Variants in ASTN2 observed in about 807,000 individuals in gnomAD.
The protein encoded by ASTN2 is astrotactin 2.
In ASTN2, 54 loss-of-function variants were observed where a neutral mutation model predicts 139.8. The ratio of observed to expected loss-of-function variants is 0.39; its 90% CI spans 0.31 to 0.48. ASTN2 has a LOEUF of 0.48. Ranked by LOEUF, ASTN2 falls within the 20% of genes least tolerant of loss-of-function variation. The pLI, the probability that ASTN2 is intolerant of heterozygous loss-of-function variation, is 0.95. For synonymous variants in ASTN2, 756 were observed against 719.5 expected, an observed-to-expected ratio of 1.05 and a Z score of -0.81; for missense variants, 1,565 against 1,725.1, an observed-to-expected ratio of 0.91 and a Z score of 1.64.
At chr9:116,839,186 C>T (rs1169952646) in intron 11 of ASTN2, among the ~76,000 whole-genome samples, 2 of 152,124 alleles carry the variant, frequency 1.3e-5, no homozygotes, top group Non-Finnish European at 2.9e-5. Context: ...CTCTGTCACC[C>T]AGGCTGGAGT....
chr9:117,146,340 T>C (rs1243639966), intron 3 of ASTN2, among the ~76,000 whole-genome samples: 1 of 151,876 alleles, frequency 6.6e-6, no homozygotes, highest in East Asian at 1.9e-4. Context: ...GAACACTGCC[T>C]CTTTCTAATT....
intron 11 of ASTN2, among the ~76,000 whole-genome samples, chr9:116,826,236 C>G (rs1307051060): frequency 3.9e-5 from 6 of 152,222 alleles, no homozygotes; most frequent in African/African-American, 1.4e-4. Context: ...ACAATACCCA[C>G]TGCCCTGCAA....
intron 5 of ASTN2, among the ~76,000 whole-genome samples, chr9:117,051,368 A>C (rs932946583): frequency 2.0e-5 from 3 of 152,332 alleles, no homozygotes; most frequent in Admixed American, 2.0e-4. Context: ...AAATCAAAAA[A>C]ATTGACTCTA....
At chr9:117,224,141 G>C (rs955929975) in intron 2 of ASTN2, among the ~76,000 whole-genome samples, 2 of 152,196 alleles carry the variant, frequency 1.3e-5, no homozygotes, top group African/African-American at 2.4e-5. Context: ...GCGTTTTCCC[G>C]TAAGTTAGAC....
At chr9:117,358,298 ACACATC>A (rs1564164092) in intron 1 of ASTN2, among the ~76,000 whole-genome samples, 39 of 135,724 alleles carry the variant, frequency 2.9e-4, no homozygotes, top group African/African-American at 8.6e-4. Context: ...ACACACACAT[ACACATC>A]CACATCCACA....
At chr9:116,836,431 G>A (rs10125438) in intron 11 of ASTN2, among the ~76,000 whole-genome samples, 28,515 of 152,042 alleles carry the variant, frequency 0.19, 3,063 homozygotes, top group East Asian at 0.5. Context: ...CCATTCAACC[G>A]TTGCTCCCAT....
intron 3 of ASTN2, among the ~76,000 whole-genome samples, chr9:117,178,816 C>A (rs1830982648): frequency 6.6e-6 from 1 of 152,140 alleles, no homozygotes; most frequent in Non-Finnish European, 1.5e-5. Context: ...TAGAGCGGCA[C>A]CAGCCCTAAT....
chr9:117,214,231 A>C, intron 3 of ASTN2, 127 bp downstream of exon 3: 1 of 1,156,776 alleles, frequency 8.6e-7, no homozygotes, highest in South Asian at 1.8e-5. Flanking sequence ...AGAAATCTAA[A>C]GCCATAAATC....
At chr9:116,913,319 A>G (rs1049014950) in intron 10 of ASTN2, among the ~76,000 whole-genome samples, 12 of 152,186 alleles carry the variant, frequency 7.9e-5, no homozygotes, top group African/African-American at 2.9e-4. Flanking sequence ...TTCTGCTTAT[A>G]TCCATGGAGG....
chr9:116,738,436 G>T (rs1588253422), intron 13 of ASTN2, among the ~76,000 whole-genome samples: 1 of 151,988 alleles, frequency 6.6e-6, no homozygotes, highest in South Asian at 2.1e-4. Context: ...GGGAGGCGGA[G>T]GTTGCAGTGA....
At chr9:117,245,004 C>A (rs1360501138) in intron 2 of ASTN2, among the ~76,000 whole-genome samples, 1 of 151,982 alleles carries the variant, frequency 6.6e-6, no homozygotes, top group Non-Finnish European at 1.5e-5. Flanking sequence ...AGCTCACAGT[C>A]CCGTAGAGAA....
rs1226419759 is a variant in ASTN2 at position 116,699,288 on chromosome 9, C to T, written c.2806+26483G>A. On this transcript the variant is annotated intron_variant, in intron 16 of 22. Transcript: ENST00000313400. The surrounding 1 kb of genome is among the most constrained non-coding windows in gnomAD (Gnocchi z 4.2). ...CAGCTGCCTATGTAGTGCTGTGCGG[C>T]CCAAATTTGTCACCTGTGATGCTGA... is the stretch of plus-strand genomic sequence containing the variant. The T allele has an allele frequency of 1.9e-6, 3 of 1,614,056 alleles. No individual in the cohort carries two copies. The highest frequency in any genetic ancestry group is 1.3e-5 in the African/African-American group (1 of 74,922).
At chr9:116,751,425 T>C (rs1829399368) in intron 13 of ASTN2, among the ~76,000 whole-genome samples, 1 of 152,222 alleles carries the variant, frequency 6.6e-6, no homozygotes, top group Non-Finnish European at 1.5e-5. Context: ...TCTCCTGATA[T>C]GTAATGGGGA....
chr9:116,976,136 G>T lies in ASTN2; in HGVS notation c.1729C>A (p.Gln577Lys). 1 of 1,614,174 alleles carries T rather than the reference G, an allele frequency of 6.2e-7. No individual in the cohort carries two copies. The highest frequency in any genetic ancestry group is 8.5e-7 in the Non-Finnish European group (1 of 1,180,008). Residue 577 changes from glutamine to lysine, a missense_variant, in exon 9 of 23, where the codon CAA becomes AAA. Gln to Lys is a moderately conservative substitution (Grantham distance 53, BLOSUM62 1). Coordinates refer to ENST00000313400, the MANE Select transcript of ASTN2 (RefSeq NM_001365068.1). The part of the protein sequence containing the change: ...ERGYDLVTGE[Q>K]APEKILRSTF... The stretch of plus-strand genomic sequence containing the variant: ...CACCTGAGAATCTTTTCAGGGGCTT[G>T]CTCCCCTGTCACCAGATCATAGCCC...
At chr9:117,156,222 T>A (rs576151379) in intron 3 of ASTN2, among the ~76,000 whole-genome samples, 1 of 152,018 alleles carries the variant, frequency 6.6e-6, no homozygotes, top group African/African-American at 2.4e-5. Context: ...AGAACTAGTA[T>A]CTTTTGAGTG....
At chr9:116,701,475 T>G (rs996302652) in intron 16 of ASTN2, among the ~76,000 whole-genome samples, 1 of 152,252 alleles carries the variant, frequency 6.6e-6, no homozygotes, top group African/African-American at 2.4e-5. Context: ...GCAGGAGATC[T>G]GTCTTTGCTG....
intron 5 of ASTN2, among the ~76,000 whole-genome samples, chr9:117,072,213 G>T (rs115200694): frequency 6.6e-6 from 1 of 152,004 alleles, no homozygotes; most frequent in Non-Finnish European, 1.5e-5. Flanking sequence ...TTATTCTATC[G>T]TTTCCAAGAA....
intron 10 of ASTN2, among the ~76,000 whole-genome samples, chr9:116,865,273 C>T (rs988242051): frequency 6.6e-6 from 1 of 151,658 alleles, no homozygotes; most frequent in Non-Finnish European, 1.5e-5. Flanking sequence ...GAGTTCAAGA[C>T]CAGCTTAGAA....
chr9:116,572,970 T>TGTGCACACATGTGGGTACATGC (rs981038359), intron 19 of ASTN2, among the ~76,000 whole-genome samples: 4 of 152,052 alleles, frequency 2.6e-5, no homozygotes, highest in Middle Eastern at 3.4e-3. Flanking sequence ...AAAGGTGCTG[T>TGTGCACACATGTGGGTACATGC]GTGCACACAT....
Sources: allele counts gnomAD v4.1 joint callset (sites outside exome capture counted in the v4.1 genomes callset), GRCh38; gene constraint gnomAD v4.1.1; non-coding constraint Gnocchi (gnomAD v3.1); transcripts MANE v1.5; gene names NCBI Gene and HGNC (gene_info 2026-07-23, HGNC 2026-07-21).